ABCA2: variants seen among roughly 807,000 people sequenced by gnomAD.
ABCA2 encodes the protein ATP-binding cassette sub-family A member 2.
ABCA2 carries 84 observed loss-of-function variants against 262.8 expected under a neutral mutation model. The ratio of observed to expected loss-of-function variants is 0.32; its 90% CI spans 0.27 to 0.38. The LOEUF (loss-of-function observed/expected upper bound fraction) is 0.38. Among genes scored for constraint, ABCA2 ranks in the 10% least tolerant of loss-of-function variants. ABCA2 has a pLI of 1.00. For missense variants in ABCA2, 2,662 were observed against 3,405.9 expected, an observed-to-expected ratio of 0.78 and a Z score of 5.44; for synonymous variants, 1,696 against 1,502.9, an observed-to-expected ratio of 1.13 and a Z score of -2.97.
rs374748346 is a variant in ABCA2 at position 137,018,320 on chromosome 9, C to T, written c.1851G>A (p.Ser617=). The change falls in exon 14 of 49, where the codon TCG becomes TCA. Residue 617 remains serine, a synonymous_variant. Coordinates refer to ENST00000341511, the MANE Select transcript of ABCA2 (RefSeq NM_001606.5). ...TCTTGTAGTGCACGTGAGGCGGGAG[C>T]GAGCCGTCCTTCCGGGTCTGGAAGA... ...SVIFQTRKDG[S]LPPHVHYKIR... 226 of 1,588,402 alleles carry T rather than the reference C, an allele frequency of 1.4e-4. No homozygotes were observed. The highest frequency in any genetic ancestry group is 1.9e-4 in the Non-Finnish European group (218 of 1,171,180).
Position 137,021,366 on chromosome 9 carries a change from C to T in ABCA2, c.897+26G>A, listed in dbSNP as rs754550368. The T allele has an allele frequency of 1.5e-4, 233 of 1,598,032 alleles. No homozygotes were observed. Among genetic ancestry groups the T allele is most frequent in the Non-Finnish European group, 1.6e-4 (192 of 1,177,024 alleles). On this transcript the variant is annotated intron_variant, in intron 8 of 48. Transcript: ENST00000341511. The surrounding 1 kb of genome is among the most constrained non-coding windows in gnomAD (Gnocchi z 6.0). ...TCAACTCAGGCAGCAAGCAGCGCAG[C>T]GGGCAGTGGGCAGGCAGGGCCTCAC...
At chr9:137,023,909 A>C in intron 2 of ABCA2, 69 bp from the exon 3 acceptor site, 1 of 1,096,226 alleles carries the variant, frequency 9.1e-7, no homozygotes, top group Non-Finnish European at 1.4e-6. Context: ...AGAGGAGACC[A>C]GTGAGTGCCC....
chr9:137,021,630 C>T lies in ABCA2; in HGVS notation c.679-20G>A. The T allele has an allele frequency of 6.5e-7, 1 of 1,542,752 alleles. No individual in the cohort carries two copies. Among genetic ancestry groups the T allele is most frequent in the Non-Finnish European group, 8.7e-7 (1 of 1,144,638 alleles). On this transcript the variant is annotated intron_variant, in intron 7 of 48. Transcript: ENST00000341511. This position sits in a 1 kb window ranked among gnomAD's most constrained non-coding sequence, Gnocchi z 6.0. ...CAGCTCCTGGGATGGGCACAGGGGT[C>T]CGTGGAGCCACGGCAAGGACTTTGT...
chr9:137,015,741 G>A lies in ABCA2; in HGVS notation c.3448C>T (p.Pro1150Ser). 1.2e-6 allele frequency: 2 copies of A among 1,612,204 alleles called. No individual in the cohort carries two copies. Among genetic ancestry groups the A allele is most frequent in the Non-Finnish European group, 1.7e-6 (2 of 1,179,760 alleles). The part of the protein sequence containing the change: ...GGSRAIILDE[P>S]TAGVDPYARR... ...GCGTAGGGGTCCACGCCCGCCGTGG[G>A]CTCGTCCAGGATGATGGCGCGAGAG... Residue 1150 changes from proline to serine, a missense_variant, in exon 23 of 49, where the codon CCC becomes TCC. By Grantham distance (74) the Pro-to-Ser change is moderately conservative (BLOSUM62 -1). Transcript: ENST00000341511.
In ABCA2 at chr9:137,020,714, G is replaced by A. The variant is rs1160456679; in HGVS notation, c.1245C>T (p.Pro415=). The change falls in exon 9 of 49, where the codon CCC becomes CCT. Residue 415 remains proline (P), a synonymous_variant. Coordinates refer to ENST00000341511, the MANE Select transcript of ABCA2 (RefSeq NM_001606.5). ...AFVQLWAGLQ[P]ILCGNNRTIE... ...CCTACCGGTTGTTGCCACACAAGAT[G>A]GGCTGCAGGCCGGCCCAGAGCTGTA... 3 of 1,600,856 alleles carry A rather than the reference G, an allele frequency of 1.9e-6. No individual in the cohort carries two copies. The highest frequency in any genetic ancestry group is 2.5e-6 in the Non-Finnish European group (3 of 1,179,516).
chr9:137,017,927 C>T, intron 15 of ABCA2, 26 bp from the exon 16 acceptor site: 11 of 1,612,072 alleles, frequency 6.8e-6, no homozygotes, highest in Non-Finnish European at 8.5e-6. Flanking sequence ...GCTCAGGCGC[C>T]ACTCAGCCCC....
chr9:137,013,500 T>C lies in ABCA2; in HGVS notation c.4511A>G (p.Asn1504Ser). 6.2e-7 allele frequency: 1 copy of C among 1,609,976 alleles called. No individual in the cohort carries two copies. Among genetic ancestry groups the C allele is most frequent in the Non-Finnish European group, 8.5e-7 (1 of 1,179,316 alleles). ...CTCCTCGTTGGCGTAGGGGATGAAA[T>C]TGCCACGGGGCTGGGTGTAGTTGTG... ...QYHNYTQPRG[N>S]FIPYANEERR... Residue 1504 changes from asparagine (N) to serine (S), a missense_variant, in exon 29 of 49, where the codon AAT (asparagine) becomes AGT (serine). This residue lies in a region of ABCA2 where 75 missense variants were observed against 118.3 expected (regional missense o/e 0.63). Coordinates refer to ENST00000341511, the MANE Select transcript of ABCA2 (RefSeq NM_001606.5).
Position 137,008,260 on chromosome 9 carries a change from A to G in ABCA2, c.7275+156T>C, listed in dbSNP as rs4880185. On this transcript the variant is annotated intron_variant, in intron 48 of 48. Coordinates refer to ENST00000341511, the MANE Select transcript of ABCA2 (RefSeq NM_001606.5). Reference sequence around the variant, plus strand: ...CATGCAGTTACGTCTCTCCAGGCCTATCTGCAAGTGTCCCTCGCCCACTCT... The same window carrying G: ...CATGCAGTTACGTCTCTCCAGGCCTGTCTGCAAGTGTCCCTCGCCCACTCT... The G allele has an allele frequency of 0.97, 883,871 of 913,584 alleles. 427,625 individuals are homozygous for G. The highest frequency in any genetic ancestry group is 1 in the East Asian group (38,114 of 38,118). 56.6% of individuals were successfully genotyped at this position (913,584 alleles called of 1,614,324 possible). A position where few individuals can be genotyped will look rare whatever the true frequency, so the allele number is the denominator to read the frequency against.
At chr9:137,024,958 C>T (rs1033285063) in intron 1 of ABCA2, among the ~76,000 whole-genome samples, 3 of 152,320 alleles carry the variant, frequency 2.0e-5, no homozygotes, top group African/African-American at 7.2e-5. Flanking sequence ...GCCACCATGC[C>T]CAGCTAATTT....
rs1325734027 is a variant in ABCA2 at position 137,021,762 on chromosome 9, C to T, written c.678+129G>A. 1.6e-6 allele frequency: 2 copies of T among 1,239,550 alleles called. No homozygotes were observed. The highest frequency in any genetic ancestry group is 2.3e-6 in the Non-Finnish European group (2 of 879,214). The allele number at this position is 1,239,550 out of a possible 1,614,324, so 76.8% of individuals were successfully genotyped here. A position where few individuals can be genotyped will look rare whatever the true frequency, so the allele number is the denominator to read the frequency against. ...CTACCCCTCATGCCTGCCATAGACC[C>T]CTGGGACCCTCCCCCTCTCCCAGGA... On this transcript the variant is annotated intron_variant, in intron 7 of 48. Transcript: ENST00000341511. The surrounding 1 kb of genome is among the most constrained non-coding windows in gnomAD (Gnocchi z 6.0).
rs766520640 is a variant in ABCA2, at chr9:137,015,070, C to A, written c.3725G>T (p.Gly1242Val). ...GGAGCAGCTGCTCAGCGGGGCCCGA[C>A]CTGGGGGGCTGGATGCCAGCCCTGG... is the stretch of plus-strand genomic sequence containing the variant. ...QEPGLASSPP[G>V]RAPLSSCSEL... The change falls in exon 25 of 49, where the codon GGT becomes GTT. Residue 1242 changes from glycine to valine, a missense_variant. Physicochemically the swap from Gly to Val is moderately radical, Grantham distance 109. Coordinates refer to ENST00000341511, the MANE Select transcript of ABCA2 (RefSeq NM_001606.5). The A allele has an allele frequency of 6.3e-7, 1 of 1,599,248 alleles. No individual in the cohort carries two copies. Among genetic ancestry groups the A allele is most frequent in the South Asian group, 1.1e-5 (1 of 89,474 alleles).
Position 137,013,553 on chromosome 9 carries a change from G to A in ABCA2, c.4458C>T (p.Pro1486=), listed in dbSNP as rs769670478. ...ACTGGGAAGGTGACAGGACCAGCGG[G>A]GGCAGATCACCTGGCAGGGCGAGCA... ...ALSVPEIGDL[P]PLVLSPSQYH... is the part of the protein sequence containing the mutation. Residue 1486 remains proline (P), a synonymous_variant, in exon 29 of 49, where the codon CCC becomes CCT. Coordinates refer to ENST00000341511, the MANE Select transcript of ABCA2 (RefSeq NM_001606.5). 11 of 1,608,678 alleles carry A rather than the reference G, an allele frequency of 6.8e-6. No homozygotes were observed. The Admixed American group carries it at 1.7e-4, about 25-fold the overall frequency.
In ABCA2 at chr9:137,019,480, T is replaced by G; in HGVS notation, c.1426-174A>C. 2 of 702,194 alleles carry G rather than the reference T, an allele frequency of 2.8e-6. No homozygotes were observed. Among genetic ancestry groups the G allele is most frequent in the Non-Finnish European group, 4.6e-6 (2 of 438,954 alleles). 43.5% of individuals were successfully genotyped at this position (702,194 alleles called of 1,614,324 possible). A position where few individuals can be genotyped will look rare whatever the true frequency, so the allele number is the denominator to read the frequency against. On this transcript the variant is annotated intron_variant, in intron 10 of 48. Coordinates refer to ENST00000341511, the MANE Select transcript of ABCA2 (RefSeq NM_001606.5). This position sits in a 1 kb window ranked among gnomAD's most constrained non-coding sequence, Gnocchi z 4.4. ...CTCAGTCACCCACGCTGGAGTGCAG[T>G]GGTGCAGTCCCAGCTCACTGCAGCC... is the stretch of plus-strand genomic sequence containing the variant.
chr9:137,028,734 C>T (rs774722106), upstream of ABCA2: 2 of 1,267,466 alleles, frequency 1.6e-6, no homozygotes, highest in African/African-American at 1.6e-5. The surrounding 1 kb of genome is among the most constrained non-coding windows in gnomAD (Gnocchi z 6.9). Context: ...GGAGGCAGGG[C>T]GGCCAGGTGG....
rs779765877 is a variant in ABCA2 at position 137,012,803 on chromosome 9, G to A, written c.4990C>T (p.Arg1664Trp). Residue 1664 changes from arginine to tryptophan, a missense_variant, in exon 31 of 49, where the codon CGG becomes TGG. Physicochemically the swap from Arg to Trp is moderately radical, Grantham distance 101 (BLOSUM62 -3). Coordinates refer to ENST00000341511, the MANE Select transcript of ABCA2 (RefSeq NM_001606.5). Reference sequence around the variant, plus strand: ...GTCAGGATGTCGCCTGTGACCACCCGCATCTGGGGCGGGTGCCCGCCCACA... The same window carrying A: ...GTCAGGATGTCGCCTGTGACCACCCACATCTGGGGCGGGTGCCCGCCCACA... ...SSVGGHPPQM[R>W]VVTGDILTDI... 53 of 1,611,736 alleles carry A rather than the reference G, an allele frequency of 3.3e-5. No homozygotes were observed. Among genetic ancestry groups the A allele is most frequent in the Non-Finnish European group, 3.6e-5 (42 of 1,179,644 alleles).
Position 137,012,009 on chromosome 9 carries a change from G to A in ABCA2, c.5370C>T (p.Gly1790=), listed in dbSNP as rs1469525898. The change falls in exon 35 of 49, where the codon GGC becomes GGT. Residue 1790 remains glycine, a synonymous_variant. Transcript: ENST00000341511. ...TGAAGATGGCGATGACGACATCCGTGCCCTGCAGCCTGGGGCAAGGAAGCC... is the reference window on the plus strand; with the variant it reads ...TGAAGATGGCGATGACGACATCCGTACCCTGCAGCCTGGGGCAAGGAAGCC... ...ASLSLDYLLQ[G]TDVVIAIFII... is the part of the protein sequence containing the mutation. The A allele has an allele frequency of 6.2e-7, 1 of 1,612,366 alleles. No homozygotes were observed. Among genetic ancestry groups the A allele is most frequent in the South Asian group, 1.1e-5 (1 of 91,090 alleles).
At chr9:137,023,296 A>C in intron 3 of ABCA2, 1 of 648,092 alleles carries the variant, frequency 1.5e-6, no homozygotes, top group Non-Finnish European at 2.8e-6. Flanking sequence ...CTTCTGCCAT[A>C]ACTCCCAGAG....
chr9:137,015,322 G>A (rs544346833), intron 24 of ABCA2, 92 bp downstream of exon 24: 227 of 1,413,742 alleles, frequency 1.6e-4, no homozygotes, highest in African/African-American at 1.4e-3. Context: ...AGCGGGTGAC[G>A]GTGAGGGCCC....
intron 40 of ABCA2, 30 bp downstream of exon 40, chr9:137,010,590 C>CCCCCCCCCCCCCAAA: frequency 1.8e-5 from 22 of 1,253,096 alleles, no homozygotes; most frequent in African/African-American, 2.9e-5. Context: ...CTACCCCACC[C>CCCCCCCCCCCCCAAA]AGGCCCCACC....
Sources: allele counts gnomAD v4.1 joint callset (sites outside exome capture counted in the v4.1 genomes callset), GRCh38; gene constraint gnomAD v4.1.1; regional missense constraint gnomAD v4.1.1; non-coding constraint Gnocchi (gnomAD v3.1); transcripts MANE v1.5; gene names NCBI Gene and HGNC (gene_info 2026-07-23, HGNC 2026-07-21).